SPATA13: variants seen among roughly 807,000 people sequenced by gnomAD.
SPATA13 encodes the protein spermatogenesis-associated protein 13.
A neutral mutation model predicts 104.0 loss-of-function variants in SPATA13; 50 were observed. The observed-to-expected ratio is 0.48, with a 90% CI of 0.38 to 0.61. The LOEUF is 0.61. SPATA13 is among the 20% of genes least tolerant of loss of function. SPATA13 has a pLI of 0.00. For synonymous variants in SPATA13, 606 were observed against 667.5 expected (o/e 0.91, Z 1.42); for missense variants, 1,524 against 1,690.6 (o/e 0.90, Z 1.73).
intron 3 of SPATA13, among the ~76,000 whole-genome samples, chr13:24,070,524 C>T (rs966441310): frequency 3.9e-5 from 6 of 152,156 alleles, no homozygotes; most frequent in East Asian, 3.8e-4. Context: ...TGATTAGCTT[C>T]GGCCTTACTT....
At chr13:24,071,567 C>A (rs1226069183) in intron 3 of SPATA13, among the ~76,000 whole-genome samples, 1 of 152,188 alleles carries the variant, frequency 6.6e-6, no homozygotes, top group African/African-American at 2.4e-5. Flanking sequence ...AAAACCAGCA[C>A]GCAGAGATGT....
intron 3 of SPATA13, among the ~76,000 whole-genome samples, chr13:24,112,843 G>A (rs866683052): frequency 2.6e-5 from 4 of 152,150 alleles, no homozygotes; most frequent in African/African-American, 4.8e-5. Flanking sequence ...TCTTACCCAC[G>A]CATTCACTCT....
chr13:24,279,831 T>C (rs59822745), intron 4 of SPATA13, among the ~76,000 whole-genome samples: 19,252 of 152,174 alleles, frequency 0.13, 1,868 homozygotes, highest in African/African-American at 0.27. Context: ...CCCTCGTCCA[T>C]GTTTCAAGTC....
rs1015008295 is a variant in SPATA13 at position 24,224,341 on chromosome 13, C to T, written c.1412C>T (p.Pro471Leu). ...CCTCTAAGGCCCACCACACCCAAGC[C>T]CCAGAGCCCTCAGAGCCCCCAGAGC... is the stretch of plus-strand genomic sequence containing the variant. ...PTPLRPTTPK[P>L]QSPQSPQSPG... is the part of the protein sequence containing the mutation. Residue 471 changes from proline (P) to leucine (L), a missense_variant, in exon 2 of 13, where the codon CCC (proline) becomes CTC (leucine). Around this residue, in one of 2 missense-constraint regions of SPATA13, gnomAD observed 1,089 missense variants for 1,135.9 expected, o/e 0.96. Transcript: ENST00000382108. 6.4e-7 allele frequency: 1 copy of T among 1,551,736 alleles called. No individual in the cohort carries two copies. The highest frequency in any genetic ancestry group is 1.2e-5 in the South Asian group (1 of 84,060).
In SPATA13 at chr13:24,223,646, G is replaced by T; in HGVS notation, c.717G>T (p.Val239=). ...GQVPAVCEIL[V]RDPENNSMGY... ...TGCCCGCCGTGTGTGAGATTCTCGT[G>T]AGGGACCCTGAAAACAACAGCATGG... The change falls in exon 2 of 13, where the codon GTG becomes GTT. Residue 239 remains valine, a synonymous_variant. Coordinates refer to ENST00000382108, the MANE Select transcript of SPATA13 (RefSeq NM_001166271.3). 1 of 1,552,088 alleles carries T rather than the reference G, an allele frequency of 6.4e-7. No homozygotes were observed. The highest frequency in any genetic ancestry group is 2.4e-5 in the East Asian group (1 of 40,916).
intron 3 of SPATA13, among the ~76,000 whole-genome samples, chr13:24,041,781 T>C (rs954342102): frequency 6.6e-6 from 1 of 152,118 alleles, no homozygotes; most frequent in African/African-American, 2.4e-5. Context: ...ACAAGCCATG[T>C]CTAGAAGGAA....
chr13:24,160,344 C>T (rs4770611), upstream of SPATA13, among the ~76,000 whole-genome samples: 63,091 of 151,956 alleles, frequency 0.42, 13,461 homozygotes, highest in East Asian at 0.55. Flanking sequence ...CTCTCGGGTT[C>T]AAGTGATTCT....
intron 3 of SPATA13, among the ~76,000 whole-genome samples, chr13:24,059,193 G>A (rs539291760): frequency 1.3e-4 from 19 of 151,640 alleles, no homozygotes; most frequent in African/African-American, 4.1e-4. Flanking sequence ...GGATGGTCTC[G>A]ATCTCCTGAC....
chr13:24,116,329 C>T (rs941099995), intron 3 of SPATA13, among the ~76,000 whole-genome samples: 6 of 152,186 alleles, frequency 3.9e-5, no homozygotes, highest in South Asian at 2.1e-4. Flanking sequence ...CTCATCACTC[C>T]GCAAAGGCCC....
At chr13:24,244,188 T>A (rs546074848) in intron 2 of SPATA13, among the ~76,000 whole-genome samples, 1 of 152,330 alleles carries the variant, frequency 6.6e-6, no homozygotes, top group South Asian at 2.1e-4. Flanking sequence ...TTTGTCTGTG[T>A]CCAAATTTCC....
At chr13:24,093,184 A>G (rs772608108) in intron 3 of SPATA13, among the ~76,000 whole-genome samples, 46 of 152,228 alleles carry the variant, frequency 3.0e-4, no homozygotes, top group Non-Finnish European at 1.6e-4. Context: ...CCTGAGAGAC[A>G]TCAGTGGGAA....
intron 2 of SPATA13, among the ~76,000 whole-genome samples, chr13:24,235,001 T>C (rs907503075): frequency 7.9e-5 from 12 of 152,210 alleles, no homozygotes; most frequent in Non-Finnish European, 1.5e-4. Flanking sequence ...CTGAATTAAA[T>C]GAAATAATGC....
upstream of SPATA13, chr13:24,160,660 G>A: frequency 1.0e-6 from 1 of 955,632 alleles, no homozygotes; most frequent in Non-Finnish European, 1.2e-6. Flanking sequence ...ATGGGGCGGG[G>A]GGAAGAGCCG....
chr13:24,037,818 A>G (rs1012977860), intron 3 of SPATA13, among the ~76,000 whole-genome samples: 1 of 152,180 alleles, frequency 6.6e-6, no homozygotes, highest in Non-Finnish European at 1.5e-5. Context: ...AACCCCCAGA[A>G]CTTGTAAGTG....
intron 2 of SPATA13, among the ~76,000 whole-genome samples, chr13:23,991,733 C>T (rs1044496359): frequency 3.3e-5 from 5 of 152,110 alleles, no homozygotes; most frequent in African/African-American, 1.2e-4. Context: ...ACAGAGTAAT[C>T]ATCCCACAGT....
At chr13:24,108,412 T>C (rs1391966379) in intron 3 of SPATA13, among the ~76,000 whole-genome samples, 1 of 152,160 alleles carries the variant, frequency 6.6e-6, no homozygotes, top group Non-Finnish European at 1.5e-5. Flanking sequence ...TGTTTATATT[T>C]TACAATAAAG....
chr13:24,233,221 G>A (rs1872381882), intron 2 of SPATA13, among the ~76,000 whole-genome samples: 1 of 152,080 alleles, frequency 6.6e-6, no homozygotes. Flanking sequence ...GAGTTAGAAA[G>A]ATAATTTTTA....
intron 11 of SPATA13, among the ~76,000 whole-genome samples, chr13:24,299,261 G>A (rs1349943101): frequency 1.3e-5 from 2 of 152,184 alleles, no homozygotes; most frequent in Non-Finnish European, 2.9e-5. Flanking sequence ...TCAATAGGAA[G>A]GAAAGGAGGG....
chr13:24,035,378 T>C (rs1445390798), intron 3 of SPATA13, among the ~76,000 whole-genome samples: 1 of 152,210 alleles, frequency 6.6e-6, no homozygotes, highest in Non-Finnish European at 1.5e-5. Context: ...GGTCTTGAAC[T>C]TCTGGGGTTA....
Sources: gnomAD v4.1 joint callset for allele counts (sites outside exome capture counted in the v4.1 genomes callset) on GRCh38, gnomAD v4.1.1 for gene constraint, gnomAD v4.1.1 regional missense constraint, MANE v1.5 for transcripts, NCBI Gene and HGNC (gene_info 2026-07-23, HGNC 2026-07-21) for gene names.